USF2: variants seen among roughly 807,000 people sequenced by gnomAD.
USF2 encodes upstream stimulatory factor 2.
USF2 carries 16 observed loss-of-function variants against 46.9 expected under a neutral mutation model. The ratio of observed to expected loss-of-function variants is 0.34; its 90% CI spans 0.23 to 0.52. The LOEUF (loss-of-function observed/expected upper bound fraction) is 0.52, where lower values mean the gene tolerates loss of function less well. USF2 is among the 20% of genes least tolerant of loss of function. The probability of loss-of-function intolerance (pLI) is 0.96; values close to 1 mark genes in which losing one functional copy is unlikely to be tolerated. For synonymous variants in USF2, 239 were observed against 194.1 expected, an observed-to-expected ratio of 1.23 and a Z score of -1.92; for missense variants, 411 against 474.0, an observed-to-expected ratio of 0.87 and a Z score of 1.23.
chr19:35,273,765 A>C (rs914964429), intron 7 of USF2, among the ~76,000 whole-genome samples: 1 of 152,134 alleles, frequency 6.6e-6, no homozygotes, highest in African/African-American at 2.4e-5. Context: ...TATGCTGCCC[A>C]GGCTCGTCTT....
At chr19:35,274,923 C>T (rs1024460037) in intron 7 of USF2, among the ~76,000 whole-genome samples, 12 of 151,184 alleles carry the variant, frequency 7.9e-5, no homozygotes, top group Non-Finnish European at 1.5e-5. Flanking sequence ...CCACTGTTGC[C>T]AGAAACTCTG....
At position 35,270,785 on chromosome 19, in the gene USF2, C is replaced by T; in HGVS notation, c.648C>T (p.Pro216=). 6.2e-7 allele frequency: 1 copy of T among 1,614,112 alleles called. No individual in the cohort carries two copies. Reference sequence around the variant, plus strand: ...CAGGAACACAGAGGACGATCGCCCCCCGGACACACCCTTACTCTCCGTATG... The same window carrying T: ...CAGGAACACAGAGGACGATCGCCCCTCGGACACACCCTTACTCTCCGTATG... ...LQTGTQRTIA[P]RTHPYSPKID... Residue 216 remains proline, a synonymous_variant, in exon 6 of 10, where the codon CCC becomes CCT. Coordinates refer to ENST00000222305, the MANE Select transcript of USF2 (RefSeq NM_003367.4).
chr19:35,269,087 G>T lies in USF2; in HGVS notation c.-15G>T, dbSNP rs1282857008. The T allele has an allele frequency of 2.3e-5, 1 of 44,274 alleles. No individual in the cohort carries two copies. The highest frequency in any genetic ancestry group is 9.8e-5 in the African/African-American group (1 of 10,170). 2.7% of individuals were successfully genotyped at this position (44,274 alleles called of 1,614,324 possible). On this transcript the variant is annotated 5_prime_UTR_variant, in exon 1 of 10. Coordinates refer to ENST00000222305, the MANE Select transcript of USF2 (RefSeq NM_003367.4). Reference sequence around the variant, plus strand: ...CCCCCCCGGGCCCCGCGCCCCCCCCGCCCCCGCCCCCCCCATGGACATGCT... The same window carrying T: ...CCCCCCCGGGCCCCGCGCCCCCCCCTCCCCCGCCCCCCCCATGGACATGCT...
In USF2 at chr19:35,278,803, C is replaced by T. The variant is rs199668375; in HGVS notation, c.822+11C>T. 3.6e-5 allele frequency: 58 copies of T among 1,613,814 alleles called. No individual in the cohort carries two copies. Among genetic ancestry groups the T allele is most frequent in the African/African-American group, 8.0e-5 (6 of 75,046 alleles). ...AGCAAGACGGGAGCGGTGAGCACCC[C>T]GGACCCTCAGTGTCTGCGGTGGTCC... On this transcript the variant is annotated intron_variant, in intron 8 of 9. Coordinates refer to ENST00000222305, the MANE Select transcript of USF2 (RefSeq NM_003367.4).
At chr19:35,271,312 C>T (rs77243730) in intron 7 of USF2, among the ~76,000 whole-genome samples, 171 bp downstream of exon 7, 3,691 of 152,276 alleles carry the variant, frequency 0.024, 107 homozygotes, top group East Asian at 0.071. Flanking sequence ...GGGGAGAGTA[C>T]AGTGTCAGAA....
chr19:35,269,532 G>T (rs2066111372), intron 2 of USF2, 40 bp downstream of exon 2: 1 of 1,551,866 alleles, frequency 6.4e-7, no homozygotes, highest in Admixed American at 1.9e-5. Flanking sequence ...GGGAGGGCTG[G>T]GGGCGCTCGG....
chr19:35,271,185 C>T, intron 7 of USF2, 44 bp downstream of exon 7: 9 of 1,611,924 alleles, frequency 5.6e-6, no homozygotes, highest in Non-Finnish European at 7.6e-6. Flanking sequence ...CCACCACCCT[C>T]ACAGGCTCAG....
chr19:35,271,946 G>T (rs2066162643), intron 7 of USF2, among the ~76,000 whole-genome samples: 1 of 152,138 alleles, frequency 6.6e-6, no homozygotes. Context: ...GGGAGTGTGG[G>T]TCAGGTTACT....
chr19:35,270,089 G>A, intron 4 of USF2, 86 bp downstream of exon 4: 19 of 1,312,936 alleles, frequency 1.4e-5, no homozygotes, highest in Non-Finnish European at 1.9e-5. Context: ...CGGGGGTGGG[G>A]CAGGTGTCGC....
At chr19:35,271,194 A>C in intron 7 of USF2, 53 bp downstream of exon 7, 29 of 1,607,242 alleles carry the variant, frequency 1.8e-5, no homozygotes, top group South Asian at 2.2e-5. Flanking sequence ...TCACAGGCTC[A>C]GCCAGCCCTG....
At chr19:35,275,977 A>G (rs1476023257) in intron 7 of USF2, 1 of 151,780 alleles carries the variant, frequency 6.6e-6, no homozygotes, top group Non-Finnish European at 1.5e-5. Context: ...TGTTCCACCA[A>G]TCAATGAGAA....
chr19:35,269,649 G>A lies in USF2; in HGVS notation c.178G>A (p.Gly60Ser). Reference protein sequence around the residue: ...AITSVQQAAFGDHNIQYQFRT... With the variant: ...AITSVQQAAFSDHNIQYQFRT... ...CACCAGCGTCCAGCAGGCGGCGTTC[G>A]GCGACCACAACATCCAGTACCAGTT... The change falls in exon 3 of 10, where the codon GGC (glycine) becomes AGC (serine). Residue 60 changes from glycine (G) to serine (S), a missense_variant. Gly to Ser is a moderately conservative substitution (Grantham distance 56). Around this residue, in one of 2 missense-constraint regions of USF2, gnomAD observed 318 missense variants for 322.4 expected, o/e 0.99. Transcript: ENST00000222305. 3.3e-6 allele frequency: 5 copies of A among 1,506,900 alleles called. No individual in the cohort carries two copies. Among genetic ancestry groups the A allele is most frequent in the Non-Finnish European group, 3.6e-6 (4 of 1,116,680 alleles). The allele number at this position is 1,506,900 out of a possible 1,614,324, so 93.3% of individuals were successfully genotyped here.
rs2066282272 is a variant in USF2 at position 35,279,533 on chromosome 19, G to A, written c.*277G>A. ...GGCACTTCTAGTGGTCTCACCTGGA[G>A]GCAAGAGGGAGGGGACAGAGGCCCT... On this transcript the variant is annotated 3_prime_UTR_variant, in exon 10 of 10. Transcript: ENST00000222305. 1 of 415,998 alleles carries A rather than the reference G, an allele frequency of 2.4e-6. No homozygotes were observed. Among genetic ancestry groups the A allele is most frequent in the South Asian group, 5.4e-5 (1 of 18,426 alleles). The allele number at this position is 415,998 out of a possible 1,614,324, so 25.8% of individuals were successfully genotyped here.
At chr19:35,273,670 A>G (rs575685625) in intron 7 of USF2, among the ~76,000 whole-genome samples, 1 of 152,196 alleles carries the variant, frequency 6.6e-6, no homozygotes, top group Non-Finnish European at 1.5e-5. Flanking sequence ...CGATCCTCAC[A>G]CCTCAGGCTT....
chr19:35,269,264 G>T (rs2515621), intron 1 of USF2, 101 bp downstream of exon 1: 3 of 950,030 alleles, frequency 3.2e-6, no homozygotes, highest in Non-Finnish European at 3.7e-6. Context: ...CCGCGGGCCC[G>T]GCTCAAAATG....
At position 35,278,836 on chromosome 19, in the gene USF2, C is replaced by T. The variant is rs200672311; in HGVS notation, c.822+44C>T. 3.4e-4 allele frequency: 542 copies of T among 1,611,836 alleles called. 2 individuals carry two copies. Among genetic ancestry groups the T allele is most frequent in the African/African-American group, 5.3e-5 (4 of 74,930 alleles). ...CAGTGTCTGCGGTGGTCCCGGCCCC[C>T]GACCCTTGCATGCAGAAAGTCCAAC... On this transcript the variant is annotated intron_variant, in intron 8 of 9. Coordinates refer to ENST00000222305, the MANE Select transcript of USF2 (RefSeq NM_003367.4).
At chr19:35,272,378 A>G (rs2066170112) in intron 7 of USF2, among the ~76,000 whole-genome samples, 1 of 152,060 alleles carries the variant, frequency 6.6e-6, no homozygotes, top group South Asian at 2.1e-4. Context: ...GAGAGGTGAC[A>G]TTGAAGCAGA....
At chr19:35,275,795 C>T (rs1249244044) in intron 7 of USF2, 4 of 152,206 alleles carry the variant, frequency 2.6e-5, no homozygotes, top group East Asian at 1.9e-4. Context: ...CCTTGAAATT[C>T]GATGAGACTT....
intron 7 of USF2, chr19:35,278,410 A>C (rs917963059): frequency 1.1e-5 from 4 of 377,672 alleles, no homozygotes; most frequent in Non-Finnish European, 9.6e-6. Context: ...TAAAATTTGT[A>C]CAAGTATGGT....
Sources: allele counts gnomAD v4.1 joint callset (sites outside exome capture counted in the v4.1 genomes callset), GRCh38; gene constraint gnomAD v4.1.1; regional missense constraint gnomAD v4.1.1; transcripts MANE v1.5; gene names NCBI Gene and HGNC (gene_info 2026-07-23, HGNC 2026-07-21).